Variants in CUL9 observed in about 807,000 individuals in gnomAD.
CUL9 encodes the protein cullin 9, also known as cullin-9.
In CUL9, 79 loss-of-function variants were observed where a neutral mutation model predicts 272.6. The ratio of observed to expected loss-of-function variants is 0.29; its 90% confidence interval spans 0.24 to 0.35. CUL9 has a LOEUF of 0.35. CUL9 is among the 10% of genes least tolerant of loss of function. CUL9 has a pLI of 1.00. For synonymous variants in CUL9, 1,186 were observed against 1,286.5 expected, an observed-to-expected ratio of 0.92 and a Z score of 1.67; for missense variants, 2,532 against 3,255.6, an observed-to-expected ratio of 0.78 and a Z score of 5.41.
chr6:43,188,161 G>T, intron 7 of CUL9, 43 bp downstream of exon 7: 1 of 1,605,482 alleles, frequency 6.2e-7, no homozygotes, highest in Non-Finnish European at 8.5e-7. Context: ...CAAGTCCTGG[G>T]TAGTCTCAGT....
intron 10 of CUL9, 184 bp from the exon 11 acceptor site, chr6:43,196,461 G>T (rs928250973): frequency 9.0e-5 from 69 of 765,716 alleles, no homozygotes; most frequent in Non-Finnish European, 1.5e-4. Context: ...AGAGGGCAGA[G>T]ACACACTGAC....
In CUL9 at chr6:43,199,761, G is replaced by A. The variant is rs557205086; in HGVS notation, c.3157-168G>A. ...TCTGCCAACTCACTCTGGAGTCCCA[G>A]CACTCCTCTATTTTACTCCACCCTG... On this transcript the variant is annotated intron_variant, in intron 13 of 40. Coordinates refer to ENST00000252050, the MANE Select transcript of CUL9 (RefSeq NM_015089.4). The surrounding 1 kb of genome is among the most constrained non-coding windows in gnomAD (Gnocchi z 4.4). Among the ~76,000 whole-genome samples the A allele has an allele frequency of 2.0e-5, 3 of 152,302 alleles. No individual in the cohort carries two copies. Among genetic ancestry groups the A allele is most frequent in the South Asian group, 4.1e-4 (2 of 4,822 alleles).
rs1205454537 is a variant in CUL9 at position 43,186,393 on chromosome 6, G to A, written c.1189G>A (p.Glu397Lys). 1 of 1,613,410 alleles carries A rather than the reference G, an allele frequency of 6.2e-7. No homozygotes were observed. The highest frequency in any genetic ancestry group is 1.1e-5 in the South Asian group (1 of 91,036). ...MRVRMLDDYE[E>K]ISAGDEGEFR... ...AGTGCGGATGCTGGATGATTATGAG[G>A]AGATCAGTGCTGGGGACGAGGGCGA... The change falls in exon 4 of 41, where the codon GAG becomes AAG. Residue 397 changes from glutamate to lysine, a missense_variant. Physicochemically the swap from Glu to Lys is moderately conservative, Grantham distance 56. Transcript: ENST00000252050.
In CUL9 at chr6:43,222,814, C is replaced by A; in HGVS notation, c.7068C>A (p.Ser2356Arg). The A allele has an allele frequency of 6.2e-7, 1 of 1,614,104 alleles. No homozygotes were observed. ...ACGCCTGCGTGTACAGCTTCTACAG[C>A]CAGGACGCAGAGTACATGGATGTGG... ...LAYACVYSFY[S>R]QDAEYMDVVE... Residue 2356 changes from serine (S) to arginine (R), a missense_variant, in exon 38 of 41, where the codon AGC (serine) becomes AGA (arginine). Coordinates refer to ENST00000252050, the MANE Select transcript of CUL9 (RefSeq NM_015089.4).
rs771292974 is a variant in CUL9 at position 43,221,848 on chromosome 6, T to C, written c.6846+70T>C. Reference sequence around the variant, plus strand: ...GGGGAGGGGTGCTGCTACCAGGTCCTGGGCAGACAGGGCTCCTTGTGCAGT... The same window carrying C: ...GGGGAGGGGTGCTGCTACCAGGTCCCGGGCAGACAGGGCTCCTTGTGCAGT... On this transcript the variant is annotated intron_variant, in intron 35 of 40. Transcript: ENST00000252050. The surrounding 1 kb of genome is among the most constrained non-coding windows in gnomAD (Gnocchi z 4.2). The C allele has an allele frequency of 2.3e-5, 32 of 1,367,322 alleles. No individual in the cohort carries two copies. Among genetic ancestry groups the C allele is most frequent in the Non-Finnish European group, 3.3e-5 (32 of 977,854 alleles). 84.7% of individuals were successfully genotyped at this position (1,367,322 alleles called of 1,614,324 possible). A position where few individuals can be genotyped will look rare whatever the true frequency, so the allele number is the denominator to read the frequency against.
rs1028752810 is a variant in CUL9, at chr6:43,202,934, G to A, written c.3753+113G>A. 13 of 1,241,550 alleles carry A rather than the reference G, an allele frequency of 1.0e-5. No homozygotes were observed. In the African/African-American group the frequency reaches 1.9e-4, roughly 18 times the overall value. The allele number at this position is 1,241,550 out of a possible 1,614,324, so 76.9% of individuals were successfully genotyped here. A position where few individuals can be genotyped will look rare whatever the true frequency, so the allele number is the denominator to read the frequency against. The stretch of plus-strand genomic sequence containing the variant: ...GGTGACATCCCTTCCCCTTGGGAAG[G>A]TGTTGCCTTGTAAGCAGTGAGAGTG... On this transcript the variant is annotated intron_variant, in intron 17 of 40. Coordinates refer to ENST00000252050, the MANE Select transcript of CUL9 (RefSeq NM_015089.4).
chr6:43,206,524 G>A lies in CUL9; in HGVS notation c.5212+14G>A, dbSNP rs774102704. 2.5e-6 allele frequency: 4 copies of A among 1,613,224 alleles called. No homozygotes were observed. The highest frequency in any genetic ancestry group is 4.5e-5 in the East Asian group (2 of 44,854). ...TCTACAGCCAGAGTGAGGAACTAGG[G>A]AGAGGAAATTGGAGATCGGGGTGAG... On this transcript the variant is annotated intron_variant, in intron 26 of 40. Transcript: ENST00000252050. The surrounding 1 kb of genome is among the most constrained non-coding windows in gnomAD (Gnocchi z 4.8).
In CUL9 at chr6:43,186,034, C is replaced by T; in HGVS notation, c.830C>T (p.Pro277Leu). 2 of 1,614,194 alleles carry T rather than the reference C, an allele frequency of 1.2e-6. No individual in the cohort carries two copies. Among genetic ancestry groups the T allele is most frequent in the Non-Finnish European group, 1.7e-6 (2 of 1,180,026 alleles). The stretch of plus-strand genomic sequence containing the variant: ...CTCCTGGATCAGCTGAATAGCAGTC[C>T]AGAGCTGGGAGCTGGAGACCAAAGC... The part of the protein sequence containing the change: ...TSLLDQLNSS[P>L]ELGAGDQSSP... Residue 277 changes from proline to leucine, a missense_variant, in exon 4 of 41, where the codon CCA becomes CTA. By Grantham distance (98) the Pro-to-Leu change is moderately conservative (BLOSUM62 -3). This residue lies in a region of CUL9 where 2,218 missense variants were observed against 2,788.6 expected (regional missense o/e 0.80). Coordinates refer to ENST00000252050, the MANE Select transcript of CUL9 (RefSeq NM_015089.4).
chr6:43,212,315 C>T (rs1272708882), intron 26 of CUL9, among the ~76,000 whole-genome samples: 1 of 152,218 alleles, frequency 6.6e-6, no homozygotes, highest in Non-Finnish European at 1.5e-5. Flanking sequence ...AATTTTCCAT[C>T]AGCTTTTCAC....
At chr6:43,217,304 C>T (rs1219007756) in intron 31 of CUL9, among the ~76,000 whole-genome samples, 1 of 152,166 alleles carries the variant, frequency 6.6e-6, no homozygotes, top group Admixed American at 6.5e-5. Flanking sequence ...CTGCAGTGAG[C>T]CAGTATCTCG....
In CUL9 at chr6:43,206,239, A is replaced by G. The variant is rs1030664166; in HGVS notation, c.5022+4A>G. On this transcript the variant is annotated splice_donor_region_variant and intron_variant, in intron 25 of 40. Coordinates refer to ENST00000252050, the MANE Select transcript of CUL9 (RefSeq NM_015089.4). This position sits in a 1 kb window ranked among gnomAD's most constrained non-coding sequence, Gnocchi z 4.8. ...AAAGAGACTAGAGGAAGAGGAGGTA[A>G]GAGCAGGGAGAATAGGAGAGTGAGA... 2 of 1,612,154 alleles carry G rather than the reference A, an allele frequency of 1.2e-6. No homozygotes were observed. Among genetic ancestry groups the G allele is most frequent in the East Asian group, 2.2e-5 (1 of 44,872 alleles).
intron 26 of CUL9, among the ~76,000 whole-genome samples, chr6:43,207,401 G>A (rs1052623530): frequency 6.6e-6 from 1 of 152,156 alleles, no homozygotes; most frequent in Non-Finnish European, 1.5e-5. Flanking sequence ...GTATTCTGCT[G>A]TGTCTGATGT....
intron 1 of CUL9, among the ~76,000 whole-genome samples, chr6:43,183,705 T>TCTTCCTTCCTTC (rs59921107): frequency 1.2e-4 from 18 of 147,252 alleles, no homozygotes; most frequent in African/African-American, 3.0e-4. Context: ...TTCCTTCCTT[T>TCTTCCTTCCTTC]CTTCCTTCCT....
Position 43,213,730 on chromosome 6 carries a change from G to A in CUL9, c.5506G>A (p.Glu1836Lys), listed in dbSNP as rs1447869828. 6.2e-7 allele frequency: 1 copy of A among 1,613,282 alleles called. No homozygotes were observed. Among genetic ancestry groups the A allele is most frequent in the South Asian group, 1.1e-5 (1 of 91,044 alleles). Residue 1836 changes from glutamate (E) to lysine (K), a missense_variant, in exon 29 of 41, where the codon GAG becomes AAG. This residue lies in a region of CUL9 where 2,218 missense variants were observed against 2,788.6 expected (regional missense o/e 0.80). Coordinates refer to ENST00000252050, the MANE Select transcript of CUL9 (RefSeq NM_015089.4). This position sits in a 1 kb window ranked among gnomAD's most constrained non-coding sequence, Gnocchi z 5.7. ...GGTTCCAGGTGTGCTGCGGCTTCAT[G>A]AGCCTGGGCCCCAGCGCAGTGGGGA... ...FPHGGVLRLH[E>K]PGPQRSGEAL...
At chr6:43,210,829 A>G (rs1775419107) in intron 26 of CUL9, among the ~76,000 whole-genome samples, 1 of 152,048 alleles carries the variant, frequency 6.6e-6, no homozygotes, top group Admixed American at 6.5e-5. Context: ...CCCTTCTTAT[A>G]TTTAAAGAAG....
chr6:43,201,061 G>A (rs9472024), intron 16 of CUL9, among the ~76,000 whole-genome samples: 1,958 of 152,334 alleles, frequency 0.013, 39 homozygotes, highest in African/African-American at 0.046. Flanking sequence ...GCACTGCCCT[G>A]TGCTTAGTGT....
At chr6:43,195,033 C>T (rs1032912065) in intron 9 of CUL9, among the ~76,000 whole-genome samples, 9 of 152,112 alleles carry the variant, frequency 5.9e-5, no homozygotes, top group African/African-American at 1.7e-4. Context: ...CCAGCCTGGG[C>T]GACAGAGTGA....
In CUL9 at chr6:43,198,671, G is replaced by A. The variant is rs1044052105; in HGVS notation, c.2866G>A (p.Val956Ile). The A allele has an allele frequency of 4.3e-6, 7 of 1,613,590 alleles. No individual in the cohort carries two copies. The highest frequency in any genetic ancestry group is 1.3e-5 in the African/African-American group (1 of 74,802). Reference sequence around the variant, plus strand: ...CCCTGAGCTACTGATTCGATCCCTGGTTGGGGGCCCATCTGCAGAACTACT... The same window carrying A: ...CCCTGAGCTACTGATTCGATCCCTGATTGGGGGCCCATCTGCAGAACTACT... ...GSPELLIRSLVGGPSAELLLD... is the reference protein window; with the variant it reads ...GSPELLIRSLIGGPSAELLLD... The change falls in exon 12 of 41, where the codon GTT (valine) becomes ATT (isoleucine). Residue 956 changes from valine to isoleucine, a missense_variant. Transcript: ENST00000252050.
Position 43,216,343 on chromosome 6 carries a change from G to C in CUL9, c.6122G>C (p.Ser2041Thr). 6.2e-7 allele frequency: 1 copy of C among 1,614,186 alleles called. No homozygotes were observed. Among genetic ancestry groups the C allele is most frequent in the Non-Finnish European group, 8.5e-7 (1 of 1,180,032 alleles). The change falls in exon 31 of 41, where the codon AGC becomes ACC. Residue 2041 changes from serine (S) to threonine (T), a missense_variant. Physicochemically the swap from Ser to Thr is moderately conservative, Grantham distance 58. Coordinates refer to ENST00000252050, the MANE Select transcript of CUL9 (RefSeq NM_015089.4). The stretch of plus-strand genomic sequence containing the variant: ...TGGGGCGCTGAACAGCTGCTGCAGA[G>C]CTACAGTGAGGACCCTGAGCCACTG... ...SHWGAEQLLQ[S>T]YSEDPEPLLL...
Sources: allele counts gnomAD v4.1 joint callset (sites outside exome capture counted in the v4.1 genomes callset), GRCh38; gene constraint gnomAD v4.1.1; regional missense constraint gnomAD v4.1.1; non-coding constraint Gnocchi (gnomAD v3.1); transcripts MANE v1.5; gene names NCBI Gene and HGNC (gene_info 2026-07-23, HGNC 2026-07-21).